The following F13A1 variants were observed in gnomAD, a reference collection of about 807,000 sequenced individuals.
F13A1 encodes coagulation factor XIII A chain.
A neutral mutation model predicts 80.1 loss-of-function variants in F13A1; 47 were observed. That is an observed-to-expected ratio of 0.59 (90% CI 0.46 to 0.75). The LOEUF (loss-of-function observed/expected upper bound fraction) is 0.75. Ranked by LOEUF, F13A1 falls within the 30% of genes least tolerant of loss-of-function variation. The pLI is 0.00. For synonymous variants in F13A1, 349 were observed against 344.9 expected (o/e 1.01, Z -0.13); for missense variants, 817 against 930.4 (o/e 0.88, Z 1.59).
chr6:6,212,737 C>T (rs188738065), intron 8 of F13A1, among the ~76,000 whole-genome samples: 24 of 152,104 alleles, frequency 1.6e-4, no homozygotes, highest in East Asian at 5.8e-4. Flanking sequence ...CTCCGAGCTA[C>T]GGGAGGACAT....
chr6:6,285,267 G>A (rs1177051095), intron 3 of F13A1, among the ~76,000 whole-genome samples: 1 of 152,174 alleles, frequency 6.6e-6, no homozygotes, highest in African/African-American at 2.4e-5. Context: ...AAAAGACAGA[G>A]ATGGGGTCTT....
intron 2 of F13A1, among the ~76,000 whole-genome samples, chr6:6,307,386 C>T (rs1396488478): frequency 6.6e-6 from 1 of 152,180 alleles, no homozygotes; most frequent in Non-Finnish European, 1.5e-5. Context: ...CTCTAGACCT[C>T]TCTATTCCAA....
chr6:6,231,563 A>G (rs1302646579), intron 6 of F13A1, among the ~76,000 whole-genome samples: 2 of 152,242 alleles, frequency 1.3e-5, no homozygotes, highest in East Asian at 1.9e-4. Context: ...TCCAAATACA[A>G]GAAGCACAAA....
chr6:6,207,389 T>C (rs1051443546), intron 8 of F13A1, among the ~76,000 whole-genome samples: 2 of 152,184 alleles, frequency 1.3e-5, no homozygotes, highest in Admixed American at 6.5e-5. Context: ...ATTCATATAA[T>C]GTATAAAAAT....
At chr6:6,315,702 T>C (rs1396512456) in intron 2 of F13A1, among the ~76,000 whole-genome samples, 1 of 152,054 alleles carries the variant, frequency 6.6e-6, no homozygotes, top group East Asian at 1.9e-4. Flanking sequence ...TCTGCATTTC[T>C]CAGTCAGTAT....
intron 4 of F13A1, among the ~76,000 whole-genome samples, chr6:6,259,831 T>C (rs1450889377): frequency 6.6e-6 from 1 of 152,152 alleles, no homozygotes; most frequent in Non-Finnish European, 1.5e-5. Context: ...AGGAGAAAGA[T>C]CCCTTAAAGG....
intron 3 of F13A1, among the ~76,000 whole-genome samples, chr6:6,272,009 C>A (rs1583104602): frequency 6.6e-6 from 1 of 152,172 alleles, no homozygotes; most frequent in Non-Finnish European, 1.5e-5. Flanking sequence ...TGCACAGTTT[C>A]TTGATATTAG....
intron 3 of F13A1, among the ~76,000 whole-genome samples, chr6:6,294,122 A>ATAGTATAT (rs1311157107): frequency 3.9e-5 from 6 of 152,174 alleles, no homozygotes; most frequent in Non-Finnish European, 1.5e-5. Context: ...AAGTTTTTTT[A>ATAGTATAT]AGTATATAGT....
intron 14 of F13A1, among the ~76,000 whole-genome samples, chr6:6,150,162 T>G (rs965871534): frequency 4.6e-5 from 7 of 152,144 alleles, no homozygotes; most frequent in Non-Finnish European, 1.0e-4. Context: ...GTGGGTTTAC[T>G]GTCTGGGAAG....
chr6:6,286,455 CTTTTCCAAGTGTA>C (rs1422753918), intron 3 of F13A1, among the ~76,000 whole-genome samples: 2 of 152,190 alleles, frequency 1.3e-5, no homozygotes, highest in Non-Finnish European at 2.9e-5. Flanking sequence ...CCACTTGGCC[CTTTTCCAAGTGTA>C]TTTTCTTTCC....
intron 3 of F13A1, among the ~76,000 whole-genome samples, chr6:6,303,828 G>A (rs747685967): frequency 6.6e-6 from 1 of 152,094 alleles, no homozygotes; most frequent in Non-Finnish European, 1.5e-5. Context: ...TATAGTTTTG[G>A]TCATGTGAAA....
intron 6 of F13A1, among the ~76,000 whole-genome samples, chr6:6,239,315 T>A (rs1216133164): frequency 6.6e-6 from 1 of 152,062 alleles, no homozygotes; most frequent in Non-Finnish European, 1.5e-5. Flanking sequence ...AGCTACCTAA[T>A]GAGGTGGGGA....
intron 8 of F13A1, among the ~76,000 whole-genome samples, chr6:6,219,309 T>G (rs1490547309): frequency 9.5e-6 from 1 of 105,074 alleles, no homozygotes; most frequent in South Asian, 3.3e-4. Context: ...CCTCAGCCCC[T>G]GTTTAGCCTC....
rs755537153 is a variant in F13A1, at chr6:6,174,803, G to T, written c.1524C>A (p.Asn508Lys). Reference sequence around the variant, plus strand: ...ACCTTGATTTCATGACACCTTCTGTGTTGAGGGGCTTTTTAGCTCCGTACA... The same window carrying T: ...ACCTTGATTTCATGACACCTTCTGTTTTGAGGGGCTTTTTAGCTCCGTACA... ...ALMYGAKKPL[N>K]TEGVMKSRSN... Residue 508 changes from asparagine to lysine, a missense_variant, in exon 12 of 15, where the codon AAC becomes AAA. By Grantham distance (94) the Asn-to-Lys change is moderately conservative (BLOSUM62 0). Transcript: ENST00000264870. The T allele has an allele frequency of 3.7e-6, 6 of 1,614,070 alleles. No homozygotes were observed. The East Asian group carries it at 8.9e-5, about 24-fold the overall frequency.
intron 3 of F13A1, among the ~76,000 whole-genome samples, chr6:6,288,133 C>G (rs964314148): frequency 6.6e-6 from 1 of 152,084 alleles, no homozygotes; most frequent in Non-Finnish European, 1.5e-5. Flanking sequence ...AGTTACCTTT[C>G]TTTTCTATGT....
At chr6:6,157,382 T>C (rs1760494897) in intron 13 of F13A1, among the ~76,000 whole-genome samples, 1 of 152,128 alleles carries the variant, frequency 6.6e-6, no homozygotes, top group Non-Finnish European at 1.5e-5. Context: ...AACATTCATC[T>C]TCAAAACTAC....
intron 3 of F13A1, among the ~76,000 whole-genome samples, chr6:6,293,810 G>T (rs1561681597): frequency 1.7e-5 from 2 of 119,006 alleles, no homozygotes; most frequent in South Asian, 7.0e-4. Flanking sequence ...AGGGAGGGAG[G>T]GAGGGAGGGA....
chr6:6,305,683 A>C lies in F13A1; in HGVS notation c.131-144T>G. 1.2e-5 allele frequency: 9 copies of C among 748,198 alleles called. 1 individual carries two copies. The South Asian group carries it at 1.4e-4, about 12-fold the overall frequency. 46.3% of individuals were successfully genotyped at this position (748,198 alleles called of 1,614,324 possible). Reference sequence around the variant, plus strand: ...ACTCTGTAGGAGGCAGGGGTAGGGGAACACAGTCTCGAGAGTCAGCCTCTT... The same window carrying C: ...ACTCTGTAGGAGGCAGGGGTAGGGGCACACAGTCTCGAGAGTCAGCCTCTT... On this transcript the variant is annotated intron_variant, in intron 2 of 14. Coordinates refer to ENST00000264870, the MANE Select transcript of F13A1 (RefSeq NM_000129.4).
chr6:6,306,886 C>T (rs1256185047), intron 2 of F13A1, among the ~76,000 whole-genome samples: 2 of 152,188 alleles, frequency 1.3e-5, no homozygotes, highest in Non-Finnish European at 2.9e-5. Flanking sequence ...TCCCTTTGGA[C>T]CCCATTGTGT....
Sources: gnomAD v4.1 joint callset for allele counts (sites outside exome capture counted in the v4.1 genomes callset) on GRCh38, gnomAD v4.1.1 for gene constraint, MANE v1.5 for transcripts, NCBI Gene and HGNC (gene_info 2026-07-23, HGNC 2026-07-21) for gene names.